IL12RB2: variants seen among roughly 807,000 people sequenced by gnomAD.
IL12RB2 encodes interleukin 12 receptor subunit beta 2.
Under a neutral mutation model 89.4 loss-of-function variants are expected in IL12RB2, and 82 were observed. The ratio of observed to expected loss-of-function variants is 0.92; its 90% CI spans 0.77 to 1.10. The LOEUF (loss-of-function observed/expected upper bound fraction) is 1.10, where lower values mean the gene tolerates loss of function less well. IL12RB2 is among the 50% of genes least tolerant of loss of function. The pLI, the probability that IL12RB2 is intolerant of heterozygous loss-of-function variation, is 0.00. For missense variants in IL12RB2, 963 were observed against 1,031.9 expected, an observed-to-expected ratio of 0.93 and a Z score of 0.92; for synonymous variants, 368 against 370.1, an observed-to-expected ratio of 0.99 and a Z score of 0.07.
chr1:67,315,453 C>T (rs1276393650), intron 2 of IL12RB2, among the ~76,000 whole-genome samples: 1 of 152,132 alleles, frequency 6.6e-6, no homozygotes, highest in Non-Finnish European at 1.5e-5. Context: ...TCTTCCAGTT[C>T]AATCCATAAT....
In IL12RB2 at chr1:67,380,064, C is replaced by G. The variant is rs150552118; in HGVS notation, c.1796C>G (p.Thr599Arg). ...CGAGTGACATATGTCCTGTGGATGACAGCTCTGACAGCTGCTGGTGAAAGT... is the reference window on the plus strand; with the variant it reads ...CGAGTGACATATGTCCTGTGGATGAGAGCTCTGACAGCTGCTGGTGAAAGT... Reference protein sequence around the residue: ...QPRVTYVLWMTALTAAGESSH... With the variant: ...QPRVTYVLWMRALTAAGESSH... The change falls in exon 14 of 17, where the codon ACA becomes AGA. Residue 599 changes from threonine (T) to arginine (R), a missense_variant. Thr to Arg is a moderately conservative substitution (Grantham distance 71). Transcript: ENST00000674203. 4.3e-6 allele frequency: 7 copies of G among 1,613,956 alleles called. No homozygotes were observed. The highest frequency in any genetic ancestry group is 5.1e-6 in the Non-Finnish European group (6 of 1,179,816).
In IL12RB2 at chr1:67,368,604, G is replaced by A. The variant is rs535768652; in HGVS notation, c.1459+579G>A. Reference sequence around the variant, plus strand: ...AGTGGTGAGAATCAAGTGAGAGAACGCATCTGAAAATATATTAAAATGATT... The same window carrying A: ...AGTGGTGAGAATCAAGTGAGAGAACACATCTGAAAATATATTAAAATGATT... On this transcript the variant is annotated intron_variant, in intron 11 of 16. Coordinates refer to ENST00000674203, the MANE Select transcript of IL12RB2 (RefSeq NM_001374259.2). Among the ~76,000 whole-genome samples the A allele has an allele frequency of 7.9e-5, 12 of 152,240 alleles. No individual in the cohort carries two copies. The South Asian group carries it at 2.1e-3, about 26-fold the overall frequency.
At chr1:67,326,127 C>T (rs1415101738) in intron 4 of IL12RB2, among the ~76,000 whole-genome samples, 3 of 152,046 alleles carry the variant, frequency 2.0e-5, no homozygotes, top group Non-Finnish European at 4.4e-5. Flanking sequence ...TGGTATAGCC[C>T]GGGAGGACAT....
At position 67,367,852 on chromosome 1, in the gene IL12RB2, C is replaced by T. The variant is rs1356232204; in HGVS notation, c.1286C>T (p.Ala429Val). 28 of 1,604,552 alleles carry T rather than the reference C, an allele frequency of 1.7e-5. No individual in the cohort carries two copies. The highest frequency in any genetic ancestry group is 2.3e-5 in the Non-Finnish European group (27 of 1,171,252). Residue 429 changes from alanine (A) to valine (V), a missense_variant, in exon 11 of 17, where the codon GCA becomes GTA. Coordinates refer to ENST00000674203, the MANE Select transcript of IL12RB2 (RefSeq NM_001374259.2). The part of the protein sequence containing the change: ...AGLLAPRQVS[A>V]NSEGMDNILV... ...TTGCTGGCTCCTCGCCAGGTCTCTGCAAACTCAGAGGGCATGGACAACATT... is the reference window on the plus strand; with the variant it reads ...TTGCTGGCTCCTCGCCAGGTCTCTGTAAACTCAGAGGGCATGGACAACATT...
chr1:67,334,297 T>C (rs1030099184), intron 8 of IL12RB2, among the ~76,000 whole-genome samples: 5 of 152,218 alleles, frequency 3.3e-5, no homozygotes, highest in African/African-American at 9.6e-5. Context: ...CAGGTCCAGA[T>C]AGTAATATTT....
chr1:67,378,397 T>C (rs1157766872), intron 13 of IL12RB2, among the ~76,000 whole-genome samples: 1 of 151,894 alleles, frequency 6.6e-6, no homozygotes, highest in Non-Finnish European at 1.5e-5. Context: ...TGCAGGGGTG[T>C]TGAGAACATA....
At chr1:67,307,465 C>G (rs1172840615), upstream of IL12RB2, 1 of 152,386 alleles carries the variant, frequency 6.6e-6, no homozygotes, top group Non-Finnish European at 1.5e-5. Flanking sequence ...ACGATTTTAT[C>G]GCGCCTATCA....
chr1:67,316,453 T>TGTG (rs397980413), intron 2 of IL12RB2, among the ~76,000 whole-genome samples: 1 of 150,938 alleles, frequency 6.6e-6, no homozygotes, highest in Non-Finnish European at 1.5e-5. Context: ...TGTGTGTGTG[T>TGTG]TAATGTCACT....
At chr1:67,386,870 TTTTA>T (rs1303185861) in intron 15 of IL12RB2, among the ~76,000 whole-genome samples, 32 of 116,454 alleles carry the variant, frequency 2.7e-4, no homozygotes, top group Middle Eastern at 4.5e-3. Context: ...TAGAAATGTA[TTTTA>T]TATATATATA....
chr1:67,356,805 A>C (rs1175467090), intron 10 of IL12RB2, among the ~76,000 whole-genome samples: 1 of 152,226 alleles, frequency 6.6e-6, no homozygotes, highest in Non-Finnish European at 1.5e-5. Context: ...TCCCAAAAGA[A>C]AACATCAAGA....
intron 5 of IL12RB2, among the ~76,000 whole-genome samples, chr1:67,327,906 C>T (rs1256134171): frequency 6.6e-6 from 1 of 152,156 alleles, no homozygotes; most frequent in African/African-American, 2.4e-5. Flanking sequence ...TGGAACTGCC[C>T]TGGGGAGCCA....
At position 67,350,892 on chromosome 1, in the gene IL12RB2, G is replaced by T. The variant is rs780223822; in HGVS notation, c.1061G>T (p.Arg354Ile). Reference protein sequence around the residue: ...FWKNLSVSEARGKILHYQVTL... With the variant: ...FWKNLSVSEAIGKILHYQVTL... ...CAGAATCTGAGTGTCTCAGAGGCAA[G>T]AGGAAAAATTCTCCACTATCAGGTG... The change falls in exon 10 of 17, where the codon AGA becomes ATA. Residue 354 changes from arginine to isoleucine, a missense_variant. Transcript: ENST00000674203. The T allele has an allele frequency of 1.9e-6, 3 of 1,614,026 alleles. No homozygotes were observed. In the South Asian group the frequency reaches 3.3e-5, roughly 18 times the overall value.
At position 67,396,538 on chromosome 1, in the gene IL12RB2, T is replaced by C. The variant is rs1666381202; in HGVS notation, c.*449T>C. 4.2e-6 allele frequency: 1 copy of C among 235,564 alleles called. No homozygotes were observed. Among genetic ancestry groups the C allele is most frequent in the Non-Finnish European group, 8.4e-6 (1 of 118,510 alleles). The allele number at this position is 235,564 out of a possible 1,614,324, so 14.6% of individuals were successfully genotyped here. Reference sequence around the variant, plus strand: ...ACAGAACTTCCTGAGATGATGGAAATGTTCTACCTCTGCACTCACTGTCCA... The same window carrying C: ...ACAGAACTTCCTGAGATGATGGAAACGTTCTACCTCTGCACTCACTGTCCA... On this transcript the variant is annotated 3_prime_UTR_variant, in exon 17 of 17. Transcript: ENST00000674203.
chr1:67,319,044 T>C (rs1179684001), intron 2 of IL12RB2, among the ~76,000 whole-genome samples: 5 of 152,222 alleles, frequency 3.3e-5, no homozygotes, highest in African/African-American at 1.2e-4. Flanking sequence ...GGCGCTTTCC[T>C]AGAACCCCAC....
intron 3 of IL12RB2, 81 bp downstream of exon 3, chr1:67,320,525 A>AAATGTTCTG (rs1656351830): frequency 1.9e-6 from 3 of 1,603,546 alleles, no homozygotes; most frequent in Non-Finnish European, 2.6e-6. Context: ...TATTTGTGGT[A>AAATGTTCTG]AATGTTCTGG....
At chr1:67,354,145 G>A (rs1230523681) in intron 10 of IL12RB2, among the ~76,000 whole-genome samples, 1 of 152,150 alleles carries the variant, frequency 6.6e-6, no homozygotes, top group Non-Finnish European at 1.5e-5. Context: ...GTATGCATGG[G>A]GGCTCTAGGA....
chr1:67,367,874 C>A lies in IL12RB2; in HGVS notation c.1308C>A (p.Asn436Lys). The A allele has an allele frequency of 6.2e-7, 1 of 1,609,902 alleles. No individual in the cohort carries two copies. Among genetic ancestry groups the A allele is most frequent in the Non-Finnish European group, 8.5e-7 (1 of 1,176,096 alleles). ...CTGCAAACTCAGAGGGCATGGACAA[C>A]ATTCTGGTGACTTGGCAGCCTCCCA... is the stretch of plus-strand genomic sequence containing the variant. ...QVSANSEGMDNILVTWQPPRK... is the reference protein window; with the variant it reads ...QVSANSEGMDKILVTWQPPRK... Residue 436 changes from asparagine to lysine, a missense_variant, in exon 11 of 17, where the codon AAC becomes AAA. By Grantham distance (94) the Asn-to-Lys change is moderately conservative. Transcript: ENST00000674203.
At chr1:67,387,751 A>T (rs1027540606) in intron 15 of IL12RB2, among the ~76,000 whole-genome samples, 2 of 151,968 alleles carry the variant, frequency 1.3e-5, no homozygotes, top group African/African-American at 4.8e-5. Context: ...AATATTTACC[A>T]TGTTCCATTT....
intron 16 of IL12RB2, among the ~76,000 whole-genome samples, chr1:67,392,921 G>T (rs957686515): frequency 6.6e-6 from 1 of 152,084 alleles, no homozygotes; most frequent in African/African-American, 2.4e-5. Flanking sequence ...ACCACACCTG[G>T]CCTAGAATAT....
Sources: allele counts gnomAD v4.1 joint callset (sites outside exome capture counted in the v4.1 genomes callset), GRCh38; gene constraint gnomAD v4.1.1; transcripts MANE v1.5; gene names NCBI Gene and HGNC (gene_info 2026-07-23, HGNC 2026-07-21).